YAF2: variants seen among roughly 807,000 people sequenced by gnomAD.
The protein encoded by YAF2 is YY1 associated factor 2, also known as YY1-associated factor 2.
YAF2 carries 7 observed loss-of-function variants against 20.1 expected under a neutral mutation model. The observed-to-expected ratio is 0.35, with a 90% CI of 0.20 to 0.65. The LOEUF (loss-of-function observed/expected upper bound fraction) is 0.65. Among genes scored for constraint, YAF2 ranks in the 30% least tolerant of loss-of-function variants. YAF2 has a pLI of 0.69. For missense variants in YAF2, 151 were observed against 219.2 expected, an observed-to-expected ratio of 0.69 and a Z score of 1.96; for synonymous variants, 74 against 76.0, an observed-to-expected ratio of 0.97 and a Z score of 0.14.
intron 2 of YAF2, among the ~76,000 whole-genome samples, chr12:42,179,744 A>T (rs1282664861): frequency 1.4e-5 from 2 of 146,966 alleles, no homozygotes; most frequent in Non-Finnish European, 3.0e-5. Flanking sequence ...TGACTGCACC[A>T]CTACACTCCA....
chr12:42,220,410 C>T (rs988075094), intron 2 of YAF2, among the ~76,000 whole-genome samples: 17 of 152,122 alleles, frequency 1.1e-4, no homozygotes, highest in Non-Finnish European at 1.9e-4. Context: ...TTCAGACTTA[C>T]ATAAAACATA....
At chr12:42,194,336 G>A (rs2066693123) in intron 2 of YAF2, among the ~76,000 whole-genome samples, 1 of 152,094 alleles carries the variant, frequency 6.6e-6, no homozygotes, top group Non-Finnish European at 1.5e-5. Context: ...TATGATACAA[G>A]TTGTGAAGTA....
chr12:42,231,200 T>C (rs2067974031), intron 2 of YAF2: 1 of 152,190 alleles, frequency 6.6e-6, no homozygotes, highest in Non-Finnish European at 1.5e-5. Flanking sequence ...TTAGTTCATT[T>C]AAAAAATAAA....
rs1332625194 is a variant in YAF2, at chr12:42,159,401, C to T, written c.*1188G>A. Reference sequence around the variant, plus strand: ...TTCTAGGTTGAAATTCTAAATACAACATAAAACTCTTTAAATAGTTGTAAA... The same window carrying T: ...TTCTAGGTTGAAATTCTAAATACAATATAAAACTCTTTAAATAGTTGTAAA... On this transcript the variant is annotated 3_prime_UTR_variant, in exon 4 of 4. Transcript: ENST00000534854. 1 of 152,042 alleles carries T rather than the reference C, an allele frequency of 6.6e-6. No individual in the cohort carries two copies. The highest frequency in any genetic ancestry group is 1.5e-5 in the Non-Finnish European group (1 of 67,930). 9.4% of individuals were successfully genotyped at this position (152,042 alleles called of 1,614,324 possible). A position where few individuals can be genotyped will look rare whatever the true frequency, so the allele number is the denominator to read the frequency against.
chr12:42,234,281 T>C (rs1304339348), intron 2 of YAF2: 1 of 985,324 alleles, frequency 1.0e-6, no homozygotes, highest in Non-Finnish European at 1.2e-6. Context: ...GAAAATAATG[T>C]GTCACCGTGG....
chr12:42,228,214 G>A (rs113885485), intron 2 of YAF2, among the ~76,000 whole-genome samples: 4,604 of 82,054 alleles, frequency 0.056, 240 homozygotes, highest in Non-Finnish European at 0.086. Flanking sequence ...TCGGCCCCCC[G>A]CCCGGCCAGC....
At chr12:42,163,886 G>A (rs2065853053) in intron 2 of YAF2, among the ~76,000 whole-genome samples, 1 of 152,076 alleles carries the variant, frequency 6.6e-6, no homozygotes, top group Admixed American at 6.6e-5. Flanking sequence ...CTATCTCCAG[G>A]TATCTTAAGG....
intron 2 of YAF2, among the ~76,000 whole-genome samples, chr12:42,207,524 A>G (rs1464645764): frequency 6.6e-6 from 1 of 152,206 alleles, no homozygotes; most frequent in Non-Finnish European, 1.5e-5. Flanking sequence ...TTAAAGGGAA[A>G]AATTGTTTTT....
chr12:42,190,605 T>C (rs1255847408), intron 2 of YAF2, among the ~76,000 whole-genome samples: 2 of 152,178 alleles, frequency 1.3e-5, no homozygotes, highest in Non-Finnish European at 2.9e-5. Flanking sequence ...TTTTGTTGAG[T>C]GTTTGTTTTC....
chr12:42,163,762 G>C (rs2065849880), intron 2 of YAF2, among the ~76,000 whole-genome samples: 1 of 152,140 alleles, frequency 6.6e-6, no homozygotes, highest in Non-Finnish European at 1.5e-5. Flanking sequence ...GTTCTCTGCT[G>C]CTCTCTAGGA....
chr12:42,205,050 G>A (rs1233646424), intron 2 of YAF2, among the ~76,000 whole-genome samples: 1 of 138,754 alleles, frequency 7.2e-6, no homozygotes, highest in African/African-American at 2.8e-5. Flanking sequence ...CAATAAAGTT[G>A]TTATTAAAAA....
intron 2 of YAF2, chr12:42,232,922 TAAAGG>T (rs1168810598): frequency 1.0e-6 from 1 of 985,232 alleles, no homozygotes; most frequent in African/African-American, 1.7e-5. Flanking sequence ...AGCCTACACA[TAAAGG>T]AAAGATCTAC....
At position 42,159,333 on chromosome 12, in the gene YAF2, A is replaced by C. The variant is rs2065756345; in HGVS notation, c.*1256T>G. Reference sequence around the variant, plus strand: ...TAGATATATATTAAGCAAATGGTTAAGAGAAAGCAGGAGACCCCAGGAGAA... The same window carrying C: ...TAGATATATATTAAGCAAATGGTTACGAGAAAGCAGGAGACCCCAGGAGAA... On this transcript the variant is annotated 3_prime_UTR_variant, in exon 4 of 4. Coordinates refer to ENST00000534854, the MANE Select transcript of YAF2 (RefSeq NM_005748.6). 1 of 152,154 alleles carries C rather than the reference A, an allele frequency of 6.6e-6. No individual in the cohort carries two copies. The highest frequency in any genetic ancestry group is 1.5e-5 in the Non-Finnish European group (1 of 67,974). 9.4% of individuals were successfully genotyped at this position (152,154 alleles called of 1,614,324 possible).
intron 2 of YAF2, among the ~76,000 whole-genome samples, chr12:42,202,613 T>C (rs564829961): frequency 2.6e-5 from 4 of 152,326 alleles, no homozygotes; most frequent in East Asian, 3.9e-4. Flanking sequence ...TCATTGTATA[T>C]AGTATTTCAA....
intron 2 of YAF2, among the ~76,000 whole-genome samples, chr12:42,184,767 C>G (rs1296671107): frequency 6.6e-6 from 1 of 152,144 alleles, no homozygotes; most frequent in Non-Finnish European, 1.5e-5. Flanking sequence ...GGAAGGAGGT[C>G]TAAATATCAA....
At chr12:42,173,082 G>C (rs144318564) in intron 2 of YAF2, among the ~76,000 whole-genome samples, 1,594 of 152,044 alleles carry the variant, frequency 0.01, 27 homozygotes, top group African/African-American at 0.037. Context: ...GAAAGAGAGA[G>C]TCTGGAGTAA....
chr12:42,179,605 A>G (rs1471335378), intron 2 of YAF2, among the ~76,000 whole-genome samples: 1 of 152,018 alleles, frequency 6.6e-6, no homozygotes, highest in Non-Finnish European at 1.5e-5. Flanking sequence ...GCCTAGTAAC[A>G]TGGTGAAACC....
intron 2 of YAF2, among the ~76,000 whole-genome samples, chr12:42,163,188 C>T (rs1466288641): frequency 6.6e-6 from 1 of 151,820 alleles, no homozygotes; most frequent in Non-Finnish European, 1.5e-5. Context: ...TGAGGAAATG[C>T]AATATATCTG....
At chr12:42,165,669 C>A (rs1273091359) in intron 2 of YAF2, among the ~76,000 whole-genome samples, 2 of 149,964 alleles carry the variant, frequency 1.3e-5, no homozygotes, top group Admixed American at 1.3e-4. Context: ...GACGGGGTTT[C>A]ACTGTGTTAG....
Sources: allele counts gnomAD v4.1 joint callset (sites outside exome capture counted in the v4.1 genomes callset), GRCh38; gene constraint gnomAD v4.1.1; transcripts MANE v1.5; gene names NCBI Gene and HGNC (gene_info 2026-07-23, HGNC 2026-07-21).